The following CNTNAP2 variants were observed in gnomAD, a reference collection of about 807,000 sequenced individuals.
CNTNAP2 encodes the protein contactin-associated protein-like 2.
In CNTNAP2, 98 loss-of-function variants were observed where a neutral mutation model predicts 155.2. The observed-to-expected ratio is 0.63, with a 90% CI of 0.54 to 0.75. The LOEUF (loss-of-function observed/expected upper bound fraction) is 0.75. CNTNAP2 is among the 30% of genes least tolerant of loss of function. The probability of loss-of-function intolerance (pLI) is 0.00; values close to 1 mark genes in which losing one functional copy is unlikely to be tolerated. For synonymous variants in CNTNAP2, 651 were observed against 631.2 expected (o/e 1.03, Z -0.47); for missense variants, 1,727 against 1,688.1 (o/e 1.02, Z -0.40).
At chr7:147,286,906 G>C (rs1232098358) in intron 8 of CNTNAP2, among the ~76,000 whole-genome samples, 1 of 151,856 alleles carries the variant, frequency 6.6e-6, no homozygotes, top group Non-Finnish European at 1.5e-5. Context: ...GAGTTGACTA[G>C]TCCCTGCTTC....
At chr7:147,609,186 AAAAC>A (rs752345202) in intron 12 of CNTNAP2, among the ~76,000 whole-genome samples, 59 of 152,248 alleles carry the variant, frequency 3.9e-4, no homozygotes, top group African/African-American at 1.0e-3. Flanking sequence ...TGCAAAAGTT[AAAAC>A]AAACAAACAA....
Position 147,383,512 on chromosome 7 carries a change from T to G in CNTNAP2, c.1499-12097T>G, listed in dbSNP as rs554064281. ...AAACGTACATGTGCATATGTCTTTA[T>G]AGTAGGAACAGAAACCCAAACACCA... is the stretch of plus-strand genomic sequence containing the variant. On this transcript the variant is annotated intron_variant, in intron 9 of 23. Transcript: ENST00000361727. Among the ~76,000 whole-genome samples, 25 of 152,208 alleles carry G rather than the reference T, an allele frequency of 1.6e-4. 1 individual carries two copies. In the East Asian group the frequency reaches 4.8e-3, roughly 29 times the overall value.
intron 21 of CNTNAP2, among the ~76,000 whole-genome samples, chr7:148,307,007 C>A (rs1797502180): frequency 6.6e-6 from 1 of 152,034 alleles, no homozygotes; most frequent in Non-Finnish European, 1.5e-5. Flanking sequence ...AGATTTTTGT[C>A]TTGGGCTGAT....
In CNTNAP2 at chr7:147,017,753, G is replaced by A. The variant is rs1241214173; in HGVS notation, c.403-26154G>A. Among the ~76,000 whole-genome samples, 4 of 152,032 alleles carry A rather than the reference G, an allele frequency of 2.6e-5. No individual in the cohort carries two copies. In the East Asian group the frequency reaches 7.7e-4, roughly 29 times the overall value. On this transcript the variant is annotated intron_variant, in intron 3 of 23. Coordinates refer to ENST00000361727, the MANE Select transcript of CNTNAP2 (RefSeq NM_014141.6). ...TGATTCTTGTACAAATATAAAGTGA[G>A]CATATATCAAAGATTTATTTAACTT...
At chr7:147,203,293 G>A (rs990059568) in intron 8 of CNTNAP2, among the ~76,000 whole-genome samples, 15 of 152,058 alleles carry the variant, frequency 9.9e-5, no homozygotes, top group African/African-American at 3.4e-4. Context: ...TGCCCTGGCT[G>A]GAGTGCAATG....
rs144045818 is a variant in CNTNAP2 at position 146,625,490 on chromosome 7, A to G, written c.98-148781A>G. Among the ~76,000 whole-genome samples, 22 of 152,172 alleles carry G rather than the reference A, an allele frequency of 1.4e-4. No homozygotes were observed. In the East Asian group the frequency reaches 3.7e-3, roughly 25 times the overall value. On this transcript the variant is annotated intron_variant, in intron 1 of 23. Transcript: ENST00000361727. Reference sequence around the variant, plus strand: ...TTTAAAAATAAAACACAGGCTTATTATTTGAATCTCAAAATTTATTTTCAA... The same window carrying G: ...TTTAAAAATAAAACACAGGCTTATTGTTTGAATCTCAAAATTTATTTTCAA...
intron 21 of CNTNAP2, among the ~76,000 whole-genome samples, chr7:148,361,409 A>G (rs1168416216): frequency 6.6e-6 from 1 of 152,128 alleles, no homozygotes; most frequent in South Asian, 2.1e-4. Context: ...ACAGCAATAC[A>G]GATTTATCCT....
At position 147,515,416 on chromosome 7, in the gene CNTNAP2, G is replaced by A. The variant is rs183940405; in HGVS notation, c.1777+29375G>A. On this transcript the variant is annotated intron_variant, in intron 11 of 23. Coordinates refer to ENST00000361727, the MANE Select transcript of CNTNAP2 (RefSeq NM_014141.6). ...CGGCTCACTGCAACCTCCACCTCCT[G>A]GGTTCAAGCGATCCTCCTGCCTCAG... Among the ~76,000 whole-genome samples, 224 of 146,432 alleles carry A rather than the reference G, an allele frequency of 1.5e-3. 1 individual carries two copies. Among genetic ancestry groups the A allele is most frequent in the Non-Finnish European group, 2.6e-3 (175 of 66,938 alleles).
At chr7:147,349,661 T>C (rs1795936602) in intron 9 of CNTNAP2, among the ~76,000 whole-genome samples, 1 of 151,950 alleles carries the variant, frequency 6.6e-6, no homozygotes, top group Non-Finnish European at 1.5e-5. Flanking sequence ...AGAACTCTTC[T>C]CATTTGTCTA....
At chr7:147,206,508 A>G (rs1803026964) in intron 8 of CNTNAP2, among the ~76,000 whole-genome samples, 1 of 152,194 alleles carries the variant, frequency 6.6e-6, no homozygotes, top group Admixed American at 6.5e-5. Context: ...GGTTGCAGTG[A>G]GTCGAGATCG....
At chr7:146,391,555 T>C (rs890980335) in intron 1 of CNTNAP2, among the ~76,000 whole-genome samples, 3 of 152,184 alleles carry the variant, frequency 2.0e-5, no homozygotes, top group Non-Finnish European at 4.4e-5. Context: ...GTAACTTCTT[T>C]TCTACAGCCC....
chr7:147,942,789 G>A lies in CNTNAP2; in HGVS notation c.2256-35073G>A, dbSNP rs111484845. ...GCAGTGGCTCACGCCCGTAATCCCA[G>A]CACTTTGGGAGGCCGAGGTGGGCGG... is the stretch of plus-strand genomic sequence containing the variant. On this transcript the variant is annotated intron_variant, in intron 14 of 23. Coordinates refer to ENST00000361727, the MANE Select transcript of CNTNAP2 (RefSeq NM_014141.6). 3.3e-5 allele frequency among the ~76,000 whole-genome samples: 5 copies of A among 152,266 alleles called. 1 individual carries two copies. The highest frequency in any genetic ancestry group is 3.9e-4 in the East Asian group (2 of 5,170).
chr7:148,339,633 G>GAAACA lies in CNTNAP2; in HGVS notation c.3476-44016_3476-44015insAAACA, dbSNP rs1798191133. 2.6e-5 allele frequency: 4 copies of GAAACA among 152,466 alleles called. 2 individuals carry two copies. Among genetic ancestry groups the GAAACA allele is most frequent in the East Asian group, 3.9e-4 (2 of 5,174 alleles). 9.4% of individuals were successfully genotyped at this position (152,466 alleles called of 1,614,324 possible). ...ACCTGAACCGGGGCTGGCGGGAAGAGGCAAGTATTGCGCGCGGGCTGGCTC... is the reference window on the plus strand; with the variant it reads ...ACCTGAACCGGGGCTGGCGGGAAGAGAAACAGCAAGTATTGCGCGCGGGCTGGCTC... On this transcript the variant is annotated intron_variant, in intron 21 of 23. Transcript: ENST00000361727.
chr7:147,239,422 A>G (rs1803890074), intron 8 of CNTNAP2, among the ~76,000 whole-genome samples: 1 of 151,578 alleles, frequency 6.6e-6, no homozygotes, highest in Non-Finnish European at 1.5e-5. Flanking sequence ...AGGCAGGAGA[A>G]TCACTTGAAC....
intron 8 of CNTNAP2, among the ~76,000 whole-genome samples, chr7:147,186,412 T>A (rs1396435648): frequency 6.6e-6 from 1 of 152,220 alleles, no homozygotes; most frequent in Non-Finnish European, 1.5e-5. Flanking sequence ...GAGGCATTTA[T>A]TATTGCCCTC....
At chr7:148,090,375 T>C (rs565296659) in intron 15 of CNTNAP2, among the ~76,000 whole-genome samples, 1 of 152,156 alleles carries the variant, frequency 6.6e-6, no homozygotes, top group African/African-American at 2.4e-5. Flanking sequence ...GGGATTAGTG[T>C]CCAAAAGGTA....
chr7:148,015,718 CAG>C (rs2116911466), intron 15 of CNTNAP2, among the ~76,000 whole-genome samples: 1 of 152,306 alleles, frequency 6.6e-6, no homozygotes, highest in African/African-American at 2.4e-5. Flanking sequence ...ACGCCAGAGA[CAG>C]ATCCTTCTGC....
chr7:147,063,101 A>G (rs1447695589), intron 4 of CNTNAP2, among the ~76,000 whole-genome samples: 1 of 152,178 alleles, frequency 6.6e-6, no homozygotes, highest in Non-Finnish European at 1.5e-5. Flanking sequence ...ACTCCCTGAA[A>G]GAGGAAACGG....
At chr7:148,286,184 C>T (rs1027246914) in intron 21 of CNTNAP2, among the ~76,000 whole-genome samples, 8 of 152,144 alleles carry the variant, frequency 5.3e-5, no homozygotes, top group Admixed American at 1.3e-4. Flanking sequence ...AGAAAATCTA[C>T]ATATAAGTAG....
Sources: gnomAD v4.1 joint callset for allele counts (sites outside exome capture counted in the v4.1 genomes callset) on GRCh38, gnomAD v4.1.1 for gene constraint, MANE v1.5 for transcripts, NCBI Gene and HGNC (gene_info 2026-07-23, HGNC 2026-07-21) for gene names.